ACSL1: variants seen among roughly 807,000 people sequenced by gnomAD.
ACSL1 encodes the protein acyl-CoA synthetase long chain family member 1, also known as long-chain-fatty-acid--CoA ligase 1.
A neutral mutation model predicts 98.4 loss-of-function variants in ACSL1; 41 were observed. That is an observed-to-expected ratio of 0.42 (90% CI 0.32 to 0.54). The LOEUF is 0.54. ACSL1 is among the 20% of genes least tolerant of loss of function. The pLI, the probability that ACSL1 is intolerant of heterozygous loss-of-function variation, is 0.13. For synonymous variants in ACSL1, 316 were observed against 322.7 expected (o/e 0.98, Z 0.22); for missense variants, 734 against 883.1 (o/e 0.83, Z 2.14).
chr4:184,820,447 G>C (rs1579973963), intron 1 of ACSL1, among the ~76,000 whole-genome samples: 2 of 152,318 alleles, frequency 1.3e-5, no homozygotes, highest in Non-Finnish European at 1.5e-5. Context: ...GAGCCACGCT[G>C]AATCAAAATT....
chr4:184,784,829 G>C (rs1215944301), intron 3 of ACSL1, among the ~76,000 whole-genome samples: 3 of 152,144 alleles, frequency 2.0e-5, no homozygotes, highest in Admixed American at 2.0e-4. Flanking sequence ...ACACAGGCTG[G>C]ACACACTGAC....
chr4:184,774,422 G>T (rs1204135806), intron 7 of ACSL1, among the ~76,000 whole-genome samples: 1 of 152,152 alleles, frequency 6.6e-6, no homozygotes, highest in East Asian at 1.9e-4. Context: ...TCCCCTCGTA[G>T]AGTGGAGATA....
At chr4:184,788,300 GA>G (rs1767751449) in intron 3 of ACSL1, 2 of 422,242 alleles carry the variant, frequency 4.7e-6, no homozygotes, top group East Asian at 1.2e-4. Context: ...AAAAATGCCG[GA>G]TTGGGCCCAG....
At chr4:184,772,185 G>C (rs1383052490) in intron 10 of ACSL1, among the ~76,000 whole-genome samples, 1 of 152,186 alleles carries the variant, frequency 6.6e-6, no homozygotes, top group African/African-American at 2.4e-5. Context: ...TTTCACTTTG[G>C]TAAGGTACTA....
Position 184,757,840 on chromosome 4 carries a change from A to C in ACSL1, c.1863T>G (p.Phe621Leu). 7 of 1,614,188 alleles carry C rather than the reference A, an allele frequency of 4.3e-6. No homozygotes were observed. The highest frequency in any genetic ancestry group is 5.9e-6 in the Non-Finnish European group (7 of 1,180,028). Residue 621 changes from phenylalanine to leucine, a missense_variant, in exon 19 of 21, where the codon TTT (phenylalanine) becomes TTG (leucine). Coordinates refer to ENST00000281455, the MANE Select transcript of ACSL1 (RefSeq NM_001995.5). The surrounding 1 kb of genome is among the most constrained non-coding windows in gnomAD (Gnocchi z 4.5). ...TTACCTTATTTCTGCACAGTTCCTC[A>C]AACGACCCTTCAAATCCTCTCTTTT... ...WAQKRGFEGSFEELCRNKDVK... is the reference protein window; with the variant it reads ...WAQKRGFEGSLEELCRNKDVK...
chr4:184,757,417 T>C lies in ACSL1; in HGVS notation c.1957-152A>G. The C allele has an allele frequency of 9.2e-7, 1 of 1,083,490 alleles. No individual in the cohort carries two copies. The allele number at this position is 1,083,490 out of a possible 1,614,324, so 67.1% of individuals were successfully genotyped here. On this transcript the variant is annotated intron_variant, in intron 20 of 20. Coordinates refer to ENST00000281455, the MANE Select transcript of ACSL1 (RefSeq NM_001995.5). This position sits in a 1 kb window ranked among gnomAD's most constrained non-coding sequence, Gnocchi z 4.5. ...GCACCTTCTCAACAAAGGACAGGCA[T>C]CCTATTCTTAGGATAGGATTCGGGA...
chr4:184,777,515 A>G (rs1411374290), intron 5 of ACSL1, among the ~76,000 whole-genome samples: 1 of 151,624 alleles, frequency 6.6e-6, no homozygotes, highest in Admixed American at 6.6e-5. Context: ...GGAAAGAGAG[A>G]GAGAGAAAGA....
chr4:184,776,545 C>T lies in ACSL1; in HGVS notation c.695G>A (p.Ser232Asn). The T allele has an allele frequency of 6.2e-7, 1 of 1,614,206 alleles. No individual in the cohort carries two copies. The highest frequency in any genetic ancestry group is 1.1e-5 in the South Asian group (1 of 91,086). ...CCTCTGGCCTCGTTCCACCAGTTCA[C>T]TGCCGTAGGCATCCATGACAACTAT... ...KIIVVMDAYG[S>N]ELVERGQRCG... is the part of the protein sequence containing the mutation. Residue 232 changes from serine (S) to asparagine (N), a missense_variant, in exon 7 of 21, where the codon AGT (serine) becomes AAT (asparagine). Physicochemically the swap from Ser to Asn is conservative, Grantham distance 46. Coordinates refer to ENST00000281455, the MANE Select transcript of ACSL1 (RefSeq NM_001995.5).
chr4:184,795,984 C>A (rs936062997), intron 2 of ACSL1, among the ~76,000 whole-genome samples: 1 of 152,276 alleles, frequency 6.6e-6, no homozygotes, highest in East Asian at 1.9e-4. Context: ...TTGATTAGAT[C>A]GAAGGATATG....
chr4:184,773,225 T>A lies in ACSL1; in HGVS notation c.842-71A>T, dbSNP rs1764768437. 7.2e-7 allele frequency: 1 copy of A among 1,390,830 alleles called. No individual in the cohort carries two copies. Among genetic ancestry groups the A allele is most frequent in the Non-Finnish European group, 1.0e-6 (1 of 984,324 alleles). The allele number at this position is 1,390,830 out of a possible 1,614,324, so 86.2% of individuals were successfully genotyped here. On this transcript the variant is annotated intron_variant, in intron 9 of 20. Coordinates refer to ENST00000281455, the MANE Select transcript of ACSL1 (RefSeq NM_001995.5). The surrounding 1 kb of genome is among the most constrained non-coding windows in gnomAD (Gnocchi z 4.3). ...ATGAAGGAGGCCCAGAAACCTCACA[T>A]AATTAGGGCTTCAGACACCTCTACT...
chr4:184,809,700 G>A (rs1474690811), intron 1 of ACSL1, among the ~76,000 whole-genome samples: 1 of 152,206 alleles, frequency 6.6e-6, no homozygotes, highest in Non-Finnish European at 1.5e-5. Context: ...GGAGGCTGAG[G>A]CAGGAGAATG....
intron 7 of ACSL1, among the ~76,000 whole-genome samples, chr4:184,774,179 A>G (rs771944765): frequency 8.5e-5 from 13 of 152,172 alleles, no homozygotes; most frequent in African/African-American, 2.2e-4. Flanking sequence ...AGTCTTTACC[A>G]TGCATTTCTG....
intron 7 of ACSL1, among the ~76,000 whole-genome samples, chr4:184,775,019 T>C (rs1765071745): frequency 6.6e-6 from 1 of 152,170 alleles, no homozygotes; most frequent in Non-Finnish European, 1.5e-5. Flanking sequence ...TTAAATAAAA[T>C]AAAGCACCAG....
intron 5 of ACSL1, 116 bp from the exon 6 acceptor site, chr4:184,777,099 T>A (rs1765407860): frequency 4.5e-6 from 4 of 885,808 alleles, no homozygotes; most frequent in Non-Finnish European, 7.2e-6. Flanking sequence ...AAAATTAACA[T>A]CTGTGTTAGC....
intron 1 of ACSL1, among the ~76,000 whole-genome samples, chr4:184,822,998 A>C (rs1773188421): frequency 6.6e-6 from 1 of 152,170 alleles, no homozygotes; most frequent in African/African-American, 2.4e-5. Context: ...TGCTCCTTTA[A>C]AACTTTTCAG....
At chr4:184,819,495 G>C (rs1356726323) in intron 1 of ACSL1, among the ~76,000 whole-genome samples, 1 of 152,086 alleles carries the variant, frequency 6.6e-6, no homozygotes, top group Non-Finnish European at 1.5e-5. Flanking sequence ...CTTGAGTCTA[G>C]AGATTTTCAG....
intron 2 of ACSL1, among the ~76,000 whole-genome samples, chr4:184,789,867 T>C (rs1036809388): frequency 7.1e-6 from 1 of 141,518 alleles, no homozygotes; most frequent in Non-Finnish European, 1.5e-5. Flanking sequence ...TCAGTGACTA[T>C]GACGTTAGAG....
At chr4:184,783,210 G>A (rs1336791448) in intron 4 of ACSL1, among the ~76,000 whole-genome samples, 1 of 152,180 alleles carries the variant, frequency 6.6e-6, no homozygotes, top group Non-Finnish European at 1.5e-5. Flanking sequence ...ACGTCTTCCT[G>A]CACTGCTACT....
chr4:184,801,149 C>T (rs1770446007), intron 2 of ACSL1, among the ~76,000 whole-genome samples: 1 of 152,166 alleles, frequency 6.6e-6, no homozygotes, highest in Admixed American at 6.5e-5. Flanking sequence ...GCCACTGCAC[C>T]CAGCTCTACA....
Sources: allele counts gnomAD v4.1 joint callset (sites outside exome capture counted in the v4.1 genomes callset), GRCh38; gene constraint gnomAD v4.1.1; non-coding constraint Gnocchi (gnomAD v3.1); transcripts MANE v1.5; gene names NCBI Gene and HGNC (gene_info 2026-07-23, HGNC 2026-07-21).